CNTNAP2: variants seen among roughly 807,000 people sequenced by gnomAD.
CNTNAP2 encodes the protein contactin associated protein 2, also known as contactin-associated protein-like 2.
Under a neutral mutation model 155.2 loss-of-function variants are expected in CNTNAP2, and 98 were observed. That is an observed-to-expected ratio of 0.63 (90% CI 0.54 to 0.75). The LOEUF is 0.75. Among genes scored for constraint, CNTNAP2 ranks in the 30% least tolerant of loss-of-function variants. The probability of loss-of-function intolerance (pLI) is 0.00; values close to 1 mark genes in which losing one functional copy is unlikely to be tolerated. For missense variants in CNTNAP2, 1,727 were observed against 1,688.1 expected (o/e 1.02, Z -0.40); for synonymous variants, 651 against 631.2 (o/e 1.03, Z -0.47).
chr7:147,919,750 G>A (rs867328317), intron 14 of CNTNAP2, among the ~76,000 whole-genome samples: 14 of 151,430 alleles, frequency 9.2e-5, no homozygotes, highest in East Asian at 2.0e-4. Flanking sequence ...GAGCCACCAC[G>A]CCCAGCCTAC....
chr7:146,702,440 A>G (rs1333427119), intron 1 of CNTNAP2, among the ~76,000 whole-genome samples: 1 of 152,222 alleles, frequency 6.6e-6, no homozygotes, highest in Non-Finnish European at 1.5e-5. Flanking sequence ...CATTCTATCT[A>G]GAAATGTTTT....
intron 13 of CNTNAP2, among the ~76,000 whole-genome samples, chr7:147,822,579 A>G (rs1798378498): frequency 6.6e-6 from 1 of 152,146 alleles, no homozygotes; most frequent in African/African-American, 2.4e-5. Context: ...GTTGATATGT[A>G]ATAACAGTTT....
At chr7:146,900,465 C>A (rs1420764365) in intron 3 of CNTNAP2, among the ~76,000 whole-genome samples, 2 of 152,180 alleles carry the variant, frequency 1.3e-5, no homozygotes, top group South Asian at 2.1e-4. Flanking sequence ...CACAGCTTCA[C>A]CCCATCCCCA....
chr7:147,316,262 A>G (rs1795231917), intron 9 of CNTNAP2, among the ~76,000 whole-genome samples: 1 of 152,108 alleles, frequency 6.6e-6, no homozygotes, highest in South Asian at 2.1e-4. Flanking sequence ...ATTTGGGGAT[A>G]AAAATGTAGG....
chr7:147,698,388 A>G (rs1796190829), intron 13 of CNTNAP2, among the ~76,000 whole-genome samples: 1 of 152,152 alleles, frequency 6.6e-6, no homozygotes. Context: ...ACACACCACT[A>G]CCTTTATACC....
intron 5 of CNTNAP2, among the ~76,000 whole-genome samples, chr7:147,117,542 C>G (rs1287853765): frequency 1.3e-5 from 2 of 152,152 alleles, no homozygotes; most frequent in Non-Finnish European, 2.9e-5. Context: ...CTGATCCCTT[C>G]CATTCCTCTC....
intron 10 of CNTNAP2, among the ~76,000 whole-genome samples, chr7:147,485,599 G>A (rs755284800): frequency 3.3e-5 from 5 of 152,072 alleles, no homozygotes; most frequent in African/African-American, 4.8e-5. Context: ...GCTTATCTTC[G>A]ATCTTTCACC....
intron 17 of CNTNAP2, among the ~76,000 whole-genome samples, chr7:148,158,826 A>C (rs1805456769): frequency 6.6e-6 from 1 of 152,230 alleles, no homozygotes; most frequent in Non-Finnish European, 1.5e-5. Flanking sequence ...AATGTTTTTC[A>C]ACAAATAAAT....
chr7:147,774,239 T>C (rs1797523141), intron 13 of CNTNAP2, among the ~76,000 whole-genome samples: 1 of 152,196 alleles, frequency 6.6e-6, no homozygotes, highest in African/African-American at 2.4e-5. Context: ...AAATGAATTT[T>C]TGTCATTTTT....
chr7:147,629,240 A>G (rs991192631), intron 12 of CNTNAP2, among the ~76,000 whole-genome samples: 1 of 151,958 alleles, frequency 6.6e-6, no homozygotes, highest in Non-Finnish European at 1.5e-5. Context: ...TGTCTTTACT[A>G]AAAATGCAAA....
At chr7:146,953,251 C>A (rs943486039) in intron 3 of CNTNAP2, among the ~76,000 whole-genome samples, 5 of 151,902 alleles carry the variant, frequency 3.3e-5, no homozygotes, top group Admixed American at 3.3e-4. Context: ...CACAAAGAAC[C>A]AATACTATTT....
At chr7:147,090,020 C>T (rs1440665469) in intron 4 of CNTNAP2, among the ~76,000 whole-genome samples, 1 of 152,142 alleles carries the variant, frequency 6.6e-6, no homozygotes, top group Non-Finnish European at 1.5e-5. Context: ...ACAGTTTGCT[C>T]TCTTCCTCAC....
At position 148,365,996 on chromosome 7, in the gene CNTNAP2, GCATGTATGCATGTGTGTATGCATGTA is replaced by G. The variant is rs1798754508; in HGVS notation, c.3476-17652_3476-17627del. ...TGTATGCATGTATACATGTGTGTATGCATGTATGCATGTGTGTATGCATGTATGCATGTGTGTGTATGCATGTATGC... is the reference window on the plus strand; with the variant it reads ...TGTATGCATGTATACATGTGTGTATGTGCATGTGTGTGTATGCATGTATGC... On this transcript the variant is annotated intron_variant, in intron 21 of 23. Transcript: ENST00000361727. Among the ~76,000 whole-genome samples the G allele has an allele frequency of 1.2e-3, 2 of 1,616 alleles. 1 individual carries two copies. The highest frequency in any genetic ancestry group is 1.4e-3 in the African/African-American group (2 of 1,414). 1.1% of individuals were successfully genotyped at this position (1,616 alleles called of 152,430 possible). A position where few individuals can be genotyped will look rare whatever the true frequency, so the allele number is the denominator to read the frequency against.
At position 147,646,944 on chromosome 7, in the gene CNTNAP2, TTTTG is replaced by T. The variant is rs199852627; in HGVS notation, c.2098+7642_2098+7645del. 1.8e-3 allele frequency among the ~76,000 whole-genome samples: 277 copies of T among 151,368 alleles called. 1 individual carries two copies. The highest frequency in any genetic ancestry group is 6.2e-3 in the African/African-American group (258 of 41,514). On this transcript the variant is annotated intron_variant, in intron 13 of 23. Coordinates refer to ENST00000361727, the MANE Select transcript of CNTNAP2 (RefSeq NM_014141.6). ...ACGCAGAAGAAAAGAAAAATACTAA[TTTTG>T]TTTATTTGTTTGTGGATGGAATGTT...
chr7:146,733,175 G>C (rs1447615408), intron 1 of CNTNAP2, among the ~76,000 whole-genome samples: 2 of 152,068 alleles, frequency 1.3e-5, no homozygotes, highest in Non-Finnish European at 2.9e-5. Flanking sequence ...TCTTTCAAGA[G>C]CCCACGGGAA....
intron 1 of CNTNAP2, among the ~76,000 whole-genome samples, chr7:146,251,538 G>T (rs951922744): frequency 6.6e-6 from 1 of 152,158 alleles, no homozygotes; most frequent in Non-Finnish European, 1.5e-5. Flanking sequence ...GATATTCTAA[G>T]TTGCATATAG....
At chr7:146,485,888 GAATCTGTCTATACAATTT>G (rs1250623738) in intron 1 of CNTNAP2, among the ~76,000 whole-genome samples, 2 of 152,028 alleles carry the variant, frequency 1.3e-5, no homozygotes, top group South Asian at 2.1e-4. Flanking sequence ...AATTGATATA[GAATCTGTCTATACAATTT>G]AATCTGTCTA....
chr7:148,390,822 A>G (rs1412013323), intron 22 of CNTNAP2, among the ~76,000 whole-genome samples: 1 of 152,170 alleles, frequency 6.6e-6, no homozygotes, highest in Non-Finnish European at 1.5e-5. Context: ...TTACCTCTCC[A>G]ATGTCCTTTG....
intron 1 of CNTNAP2, among the ~76,000 whole-genome samples, chr7:146,571,540 G>A (rs1405301574): frequency 4.6e-5 from 7 of 151,834 alleles, no homozygotes. Flanking sequence ...TTTTCAAAAA[G>A]TTATGATTTT....
Sources: allele counts gnomAD v4.1 joint callset (sites outside exome capture counted in the v4.1 genomes callset), GRCh38; gene constraint gnomAD v4.1.1; transcripts MANE v1.5; gene names NCBI Gene and HGNC (gene_info 2026-07-23, HGNC 2026-07-21).